ZAN: variants seen among roughly 807,000 people sequenced by gnomAD.
ZAN encodes zonadhesin.
Under a neutral mutation model 286.2 loss-of-function variants are expected in ZAN, and 260 were observed. The ratio of observed to expected loss-of-function variants is 0.91; its 90% CI spans 0.82 to 1.01. The LOEUF (loss-of-function observed/expected upper bound fraction) is 1.01. Among genes scored for constraint, ZAN ranks in the 50% least tolerant of loss-of-function variants. The pLI, the probability that ZAN is intolerant of heterozygous loss-of-function variation, is 0.00. For missense variants in ZAN, 3,410 were observed against 3,639.2 expected, an observed-to-expected ratio of 0.94 and a Z score of 1.62; for synonymous variants, 1,368 against 1,417.5, an observed-to-expected ratio of 0.97 and a Z score of 0.79.
rs370302808 is a variant in ZAN, at chr7:100,784,756, C to T, written c.6756C>T (p.Pro2252=). ...GCGCTGAGGGCTGCATTTGTCAGCCCGGCTATGTGCTGAGTGAAGACAAGT... is the reference window on the plus strand; with the variant it reads ...GCGCTGAGGGCTGCATTTGTCAGCCTGGCTATGTGCTGAGTGAAGACAAGT... The part of the protein sequence containing the change: ...SACAEGCICQ[P]GYVLSEDKCV... The change falls in exon 36 of 48, where the codon CCC becomes CCT. Residue 2252 remains proline, a synonymous_variant. Transcript: ENST00000613979. 14 of 1,613,716 alleles carry T rather than the reference C, an allele frequency of 8.7e-6. No homozygotes were observed. Among genetic ancestry groups the T allele is most frequent in the East Asian group, 4.5e-5 (2 of 44,884 alleles).
At position 100,763,704 on chromosome 7, in the gene ZAN, C is replaced by A; in HGVS notation, c.3987-102C>A. On this transcript the variant is annotated intron_variant, in intron 20 of 47. Transcript: ENST00000613979. The surrounding 1 kb of genome is among the most constrained non-coding windows in gnomAD (Gnocchi z 4.6). Reference sequence around the variant, plus strand: ...TGGGAGGGGTTTCCCAGCTGACAGGCTGGTTTGCCGGTCCCGGCCTGCCAG... The same window carrying A: ...TGGGAGGGGTTTCCCAGCTGACAGGATGGTTTGCCGGTCCCGGCCTGCCAG... 8.4e-7 allele frequency: 1 copy of A among 1,186,696 alleles called. No individual in the cohort carries two copies. Among genetic ancestry groups the A allele is most frequent in the Non-Finnish European group, 1.2e-6 (1 of 801,146 alleles). 73.5% of individuals were successfully genotyped at this position (1,186,696 alleles called of 1,614,324 possible).
chr7:100,792,578 C>A, intron 42 of ZAN, 99 bp downstream of exon 42: 2 of 1,564,354 alleles, frequency 1.3e-6, no homozygotes, highest in Non-Finnish European at 1.7e-6. Context: ...CCGACCCTGA[C>A]CCCTCTGCCG....
At chr7:100,792,502 G>T in intron 42 of ZAN, 23 bp downstream of exon 42, 1 of 1,613,544 alleles carries the variant, frequency 6.2e-7, no homozygotes, top group Admixed American at 1.7e-5. Flanking sequence ...CTGCCAGGAG[G>T]CGGGCGCTGC....
At chr7:100,755,512 G>A (rs760520946) in intron 15 of ZAN, 102 bp downstream of exon 15, 10 of 1,366,268 alleles carry the variant, frequency 7.3e-6, no homozygotes, top group East Asian at 2.3e-5. Flanking sequence ...AGGGATCACC[G>A]GATAGTCCCA....
chr7:100,796,588 G>A (rs1343704051), intron 45 of ZAN, among the ~76,000 whole-genome samples: 1 of 151,936 alleles, frequency 6.6e-6, no homozygotes, highest in African/African-American at 2.4e-5. Flanking sequence ...GGCTATTTTT[G>A]TATTTTTAGT....
Position 100,791,128 on chromosome 7 carries a change from A to AGGGATGAGGCGG in ZAN, c.7529+20_7529+31dup, listed in dbSNP as rs1811926391. ...CGCTTCCCCAGGTGCACGGCCTGGAAGGGATGAGGCGGGGGAGGTGAACAA... is the reference window on the plus strand; with the variant it reads ...CGCTTCCCCAGGTGCACGGCCTGGAAGGGATGAGGCGGGGGATGAGGCGGGGGAGGTGAACAA... On this transcript the variant is annotated intron_variant, in intron 40 of 47. Transcript: ENST00000613979. 4 of 1,606,650 alleles carry AGGGATGAGGCGG rather than the reference A, an allele frequency of 2.5e-6. No homozygotes were observed. Among genetic ancestry groups the AGGGATGAGGCGG allele is most frequent in the Admixed American group, 3.4e-5 (2 of 59,308 alleles).
Position 100,736,324 on chromosome 7 carries a change from C to T in ZAN, c.107-159C>T, listed in dbSNP as rs563786354. Among the ~76,000 whole-genome samples, 6 of 142,540 alleles carry T rather than the reference C, an allele frequency of 4.2e-5. 3 individuals are homozygous for T. The South Asian group carries it at 1.3e-3, about 31-fold the overall frequency. 93.5% of individuals were successfully genotyped at this position (142,540 alleles called of 152,430 possible). A position where few individuals can be genotyped will look rare whatever the true frequency, so the allele number is the denominator to read the frequency against. ...GTTCAAGCGATTCTCTTGCCTCAGC[C>T]TCCCCAGTAGCTGGGACTACAGGTG... On this transcript the variant is annotated intron_variant, in intron 3 of 47. Coordinates refer to ENST00000613979, the MANE Select transcript of ZAN (RefSeq NM_003386.3).
chr7:100,786,002 C>T lies in ZAN; in HGVS notation c.6840C>T (p.Gly2280=), dbSNP rs1399307962. 1 of 1,613,538 alleles carries T rather than the reference C, an allele frequency of 6.2e-7. No homozygotes were observed. The highest frequency in any genetic ancestry group is 1.1e-5 in the South Asian group (1 of 91,058). ...TCTTCCTGTAACTTCTACAGCTGGGCAAGAGCTGGGTCTCCAGCGGTTGCA... is the reference window on the plus strand; with the variant it reads ...TCTTCCTGTAACTTCTACAGCTGGGTAAGAGCTGGGTCTCCAGCGGTTGCA... ...KDAHGGSIPL[G]KSWVSSGCTE... The change falls in exon 37 of 48, where the codon GGC becomes GGT. Residue 2280 remains glycine (G), a synonymous_variant. Transcript: ENST00000613979.
chr7:100,763,974 C>T lies in ZAN; in HGVS notation c.4098-53C>T. Reference sequence around the variant, plus strand: ...GCGATGCTTGGCACCTGGGCTCCTCCAAGGCTCTACCCCCTTCCACTGCAT... The same window carrying T: ...GCGATGCTTGGCACCTGGGCTCCTCTAAGGCTCTACCCCCTTCCACTGCAT... On this transcript the variant is annotated intron_variant, in intron 21 of 47. Coordinates refer to ENST00000613979, the MANE Select transcript of ZAN (RefSeq NM_003386.3). This position sits in a 1 kb window ranked among gnomAD's most constrained non-coding sequence, Gnocchi z 4.6. The T allele has an allele frequency of 6.2e-7, 1 of 1,613,774 alleles. No homozygotes were observed. Among genetic ancestry groups the T allele is most frequent in the East Asian group, 2.2e-5 (1 of 44,888 alleles).
chr7:100,760,637 C>G (rs1047473610), intron 19 of ZAN, 101 bp downstream of exon 19: 1 of 1,487,526 alleles, frequency 6.7e-7, no homozygotes, highest in African/African-American at 1.4e-5. Flanking sequence ...CCTTCCATCC[C>G]TGGCACCACT....
chr7:100,788,076 G>A lies in ZAN; in HGVS notation c.7167G>A (p.Gln2389=). The change falls in exon 38 of 48, where the codon CAG becomes CAA. Residue 2389 remains glutamine (Q), a synonymous_variant. Transcript: ENST00000613979. The part of the protein sequence containing the change: ...MDPPRSSIFL[Q]EVITTVYGYK... The stretch of plus-strand genomic sequence containing the variant: ...CGCCCAGGAGCTCCATCTTCTTGCA[G>A]GAAGTGATTACCACCGTCTACGGCT... The A allele has an allele frequency of 1.3e-6, 2 of 1,584,706 alleles. No homozygotes were observed. Among genetic ancestry groups the A allele is most frequent in the Non-Finnish European group, 1.7e-6 (2 of 1,160,196 alleles).
intron 7 of ZAN, among the ~76,000 whole-genome samples, chr7:100,744,750 C>G (rs1808065722): frequency 2.0e-5 from 3 of 151,392 alleles, no homozygotes; most frequent in Non-Finnish European, 4.4e-5. Flanking sequence ...TGCTGGTTGG[C>G]TTTTTATTTT....
chr7:100,775,198 C>A, intron 31 of ZAN, 130 bp from the exon 32 acceptor site: 1 of 1,363,586 alleles, frequency 7.3e-7, no homozygotes, highest in Non-Finnish European at 9.8e-7. Flanking sequence ...CAGGCATGAG[C>A]CACTGCGCAC....
Position 100,776,430 on chromosome 7 carries a change from C to A in ZAN, c.6193-10C>A. On this transcript the variant is annotated splice_polypyrimidine_tract_variant and intron_variant, in intron 33 of 47. Coordinates refer to ENST00000613979, the MANE Select transcript of ZAN (RefSeq NM_003386.3). The stretch of plus-strand genomic sequence containing the variant: ...TTCCCCAGCACCGAAAAACCACTCT[C>A]CCCCGCCAGGTCTGCGGCATGTGTG... 6.2e-7 allele frequency: 1 copy of A among 1,601,950 alleles called. No homozygotes were observed.
chr7:100,791,842 C>T, intron 40 of ZAN, 124 bp from the exon 41 acceptor site: 1 of 1,212,592 alleles, frequency 8.2e-7, no homozygotes, highest in Non-Finnish European at 1.1e-6. Flanking sequence ...ATCCTCCTGC[C>T]TCAGCCTCCC....
intron 2 of ZAN, among the ~76,000 whole-genome samples, chr7:100,734,624 A>G (rs1807175531): frequency 7.2e-6 from 1 of 138,606 alleles, no homozygotes; most frequent in Non-Finnish European, 1.6e-5. Context: ...GTCTCAAAAA[A>G]AAAAAAACAA....
At chr7:100,753,551 G>A (rs376809828) in intron 14 of ZAN, among the ~76,000 whole-genome samples, 27 of 152,084 alleles carry the variant, frequency 1.8e-4, no homozygotes, top group African/African-American at 6.3e-4. Flanking sequence ...GGCCGGGCAC[G>A]GTAGCTCAAA....
chr7:100,773,725 G>C lies in ZAN; in HGVS notation c.5639G>C (p.Gly1880Ala). 6.2e-7 allele frequency: 1 copy of C among 1,608,862 alleles called. No individual in the cohort carries two copies. Among genetic ancestry groups the C allele is most frequent in the Non-Finnish European group, 8.5e-7 (1 of 1,177,576 alleles). ...GCTGATCCCTGTGGCCCACAGGTCG[G>C]GGAGCGCTGGTACACAGAGAACACC... ...TDPAGSYHPV[G>A]ERWYTENTCT... is the part of the protein sequence containing the mutation. Residue 1880 changes from glycine (G) to alanine (A), a missense_variant, in exon 31 of 48, where the codon GGG (glycine) becomes GCG (alanine). Physicochemically the swap from Gly to Ala is moderately conservative, Grantham distance 60. Around this residue, in one of 7 missense-constraint regions of ZAN, gnomAD observed 1,289 missense variants for 1,314.3 expected, o/e 0.98. Coordinates refer to ENST00000613979, the MANE Select transcript of ZAN (RefSeq NM_003386.3).
chr7:100,787,315 G>A (rs1300098298), intron 37 of ZAN, among the ~76,000 whole-genome samples: 3 of 151,260 alleles, frequency 2.0e-5, no homozygotes, highest in Non-Finnish European at 1.5e-5. Context: ...TAAAGTCCCA[G>A]CTACTCAGGA....
Sources: gnomAD v4.1 joint callset for allele counts (sites outside exome capture counted in the v4.1 genomes callset) on GRCh38, gnomAD v4.1.1 for gene constraint, gnomAD v4.1.1 regional missense constraint, Gnocchi (gnomAD v3.1) non-coding constraint, MANE v1.5 for transcripts, NCBI Gene and HGNC (gene_info 2026-07-23, HGNC 2026-07-21) for gene names.